FLNC: variants seen among roughly 807,000 people sequenced by gnomAD.
The protein encoded by FLNC is filamin-C.
A neutral mutation model predicts 254.3 loss-of-function variants in FLNC; 91 were observed. The ratio of observed to expected loss-of-function variants is 0.36; its 90% confidence interval spans 0.30 to 0.43. FLNC has a LOEUF of 0.43. Ranked by LOEUF, FLNC falls within the 20% of genes least tolerant of loss-of-function variation. The pLI is 1.00. For synonymous variants in FLNC, 1,430 were observed against 1,577.2 expected (o/e 0.91, Z 2.21); for missense variants, 2,853 against 3,802.6 (o/e 0.75, Z 6.57).
Position 128,842,752 on chromosome 7 carries a change from G to A in FLNC, c.2390-42G>A, listed in dbSNP as rs111958241. On this transcript the variant is annotated intron_variant, in intron 15 of 47. Coordinates refer to ENST00000325888, the MANE Select transcript of FLNC (RefSeq NM_001458.5). The surrounding 1 kb of genome is among the most constrained non-coding windows in gnomAD (Gnocchi z 5.4). ...GGAGGGGGCGGGGGTGAGTCGAGTC[G>A]GGGGCTGAGCCCAACTCACAGCAGT... 1.1e-5 allele frequency: 18 copies of A among 1,606,018 alleles called. No individual in the cohort carries two copies. In the East Asian group the frequency reaches 1.8e-4, roughly 16 times the overall value.
rs1809086035 is a variant in FLNC, at chr7:128,856,889, C to T, written c.7529C>T (p.Ala2510Val). 1.9e-6 allele frequency: 3 copies of T among 1,614,034 alleles called. No homozygotes were observed. In the Admixed American group the frequency reaches 5.0e-5, roughly 27 times the overall value. ...SQAGDPGLVS[A>V]YGPGLEGGTT... ...GCTGGGGACCCAGGCTTGGTGTCAG[C>T]CTACGGTCCTGGGCTCGAGGGAGGC... is the stretch of plus-strand genomic sequence containing the variant. The change falls in exon 45 of 48, where the codon GCC becomes GTC. Residue 2510 changes from alanine (A) to valine (V), a missense_variant. Ala to Val is a moderately conservative substitution (Grantham distance 64, BLOSUM62 0). Coordinates refer to ENST00000325888, the MANE Select transcript of FLNC (RefSeq NM_001458.5). This position sits in a 1 kb window ranked among gnomAD's most constrained non-coding sequence, Gnocchi z 5.9.
rs1037999644 is a variant in FLNC at position 128,844,075 on chromosome 7, G to A, written c.3001G>A (p.Val1001Met). 1.6e-5 allele frequency: 26 copies of A among 1,613,918 alleles called. No homozygotes were observed. The highest frequency in any genetic ancestry group is 2.0e-5 in the Non-Finnish European group (24 of 1,180,044). The change falls in exon 20 of 48, where the codon GTG becomes ATG. Residue 1001 changes from valine to methionine, a missense_variant. By Grantham distance (21) the Val-to-Met change is conservative. This residue lies in a region of FLNC where 1,573 missense variants were observed against 1,883.5 expected (regional missense o/e 0.84). Transcript: ENST00000325888. ...GGCTGGCGGTCAGGGCCAACTGGAT[G>A]TGCGGATGACTTCGCCCTCTCGCCG... ...RGAGGQGQLD[V>M]RMTSPSRRPI...
At position 128,846,283 on chromosome 7, in the gene FLNC, C is replaced by T. The variant is rs750955516; in HGVS notation, c.3965-18C>T. On this transcript the variant is annotated intron_variant, in intron 22 of 47. Transcript: ENST00000325888. ...GGGCGCACACTCCCTGATTGATGCC[C>T]CTGTGGCTGGCTTCCAGGCGTGCAT... 2 of 1,613,766 alleles carry T rather than the reference C, an allele frequency of 1.2e-6. No homozygotes were observed. The highest frequency in any genetic ancestry group is 1.7e-5 in the Admixed American group (1 of 59,980).
rs1390516682 is a variant in FLNC at position 128,854,855 on chromosome 7, G to A, written c.7078G>A (p.Ala2360Thr). The A allele has an allele frequency of 1.2e-6, 2 of 1,614,156 alleles. No homozygotes were observed. The highest frequency in any genetic ancestry group is 1.7e-6 in the Non-Finnish European group (2 of 1,180,026). Residue 2360 changes from alanine to threonine, a missense_variant, in exon 42 of 48, where the codon GCA becomes ACA. Physicochemically the swap from Ala to Thr is moderately conservative, Grantham distance 58 (BLOSUM62 0). Coordinates refer to ENST00000325888, the MANE Select transcript of FLNC (RefSeq NM_001458.5). ...GGAGGGTCCTAGCAAAGCGGAGATTGCATTTGAGGATCGCAAAGATGGCTC... is the reference window on the plus strand; with the variant it reads ...GGAGGGTCCTAGCAAAGCGGAGATTACATTTGAGGATCGCAAAGATGGCTC... ...AVEGPSKAEI[A>T]FEDRKDGSCG...
At chr7:128,848,748 C>T in intron 27 of FLNC, 31 bp downstream of exon 27, 1 of 1,614,106 alleles carries the variant, frequency 6.2e-7, no homozygotes. Context: ...CCCCGCAGGT[C>T]ATGCTCCAGG....
chr7:128,854,816 C>T lies in FLNC; in HGVS notation c.7039C>T (p.Leu2347=), dbSNP rs769053602. The change falls in exon 42 of 48, where the codon CTG becomes TTG. Residue 2347 remains leucine, a synonymous_variant. Coordinates refer to ENST00000325888, the MANE Select transcript of FLNC (RefSeq NM_001458.5). ...GACCCGGGAGGCTGGCGCTGGGGGCCTGTCCATTGCTGTGGAGGGTCCTAG... is the reference window on the plus strand; with the variant it reads ...GACCCGGGAGGCTGGCGCTGGGGGCTTGTCCATTGCTGTGGAGGGTCCTAG... ...IWTREAGAGG[L]SIAVEGPSKA... 1.9e-6 allele frequency: 3 copies of T among 1,614,152 alleles called. No individual in the cohort carries two copies. Among genetic ancestry groups the T allele is most frequent in the East Asian group, 4.5e-5 (2 of 44,884 alleles).
rs776891112 is a variant in FLNC, at chr7:128,830,591, C to T, written c.-47C>T. 5 of 1,571,312 alleles carry T rather than the reference C, an allele frequency of 3.2e-6. No homozygotes were observed. The Admixed American group carries it at 6.9e-5, about 22-fold the overall frequency. ...AACAGCGCCCGACAGCCCCCGATAG[C>T]CCAAACCGCGGCCCTAGCCCCGGCC... On this transcript the variant is annotated 5_prime_UTR_variant, in exon 1 of 48. Transcript: ENST00000325888.
intron 8 of FLNC, 140 bp from the exon 9 acceptor site, chr7:128,839,883 G>A: frequency 9.3e-7 from 1 of 1,078,090 alleles, no homozygotes; most frequent in Non-Finnish European, 1.4e-6. Context: ...GGTTGTGCTG[G>A]GGACACAAAG....
At chr7:128,843,618 C>A in intron 18 of FLNC, 41 bp downstream of exon 18, 1 of 1,610,666 alleles carries the variant, frequency 6.2e-7, no homozygotes, top group East Asian at 2.2e-5. Flanking sequence ...GGCCGGCCCG[C>A]CAGAGCCCTG....
rs1248715929 is a variant in FLNC, at chr7:128,855,230, T to C, written c.7167T>C (p.Asp2389=). ...GDYEVSIKFN[D]EHIPDSPFVV... ...ATGAGGTCTCCATCAAGTTCAATGA[T>C]GAGCACATCCCAGACAGCCCCTTTG... The change falls in exon 43 of 48, where the codon GAT becomes GAC. Residue 2389 remains aspartate, a synonymous_variant. Coordinates refer to ENST00000325888, the MANE Select transcript of FLNC (RefSeq NM_001458.5). The C allele has an allele frequency of 6.2e-7, 1 of 1,613,670 alleles. No homozygotes were observed. The highest frequency in any genetic ancestry group is 8.5e-7 in the Non-Finnish European group (1 of 1,179,660).
In FLNC at chr7:128,854,565, G is replaced by A. The variant is rs1254745464; in HGVS notation, c.6880G>A (p.Gly2294Ser). 1.9e-6 allele frequency: 3 copies of A among 1,608,948 alleles called. No individual in the cohort carries two copies. The highest frequency in any genetic ancestry group is 2.5e-6 in the Non-Finnish European group (3 of 1,178,202). Reference protein sequence around the residue: ...GPHTVAVKYRGQHVPGSPFQF... With the variant: ...GPHTVAVKYRSQHVPGSPFQF... ...CCATACGGTCGCTGTCAAGTACCGT[G>A]GCCAGCACGTGCCCGGCAGCCCCTT... Residue 2294 changes from glycine to serine, a missense_variant, in exon 41 of 48, where the codon GGC (glycine) becomes AGC (serine). Physicochemically the swap from Gly to Ser is moderately conservative, Grantham distance 56. Transcript: ENST00000325888.
intron 7 of FLNC, 80 bp from the exon 8 acceptor site, chr7:128,838,523 A>C: frequency 3.8e-6 from 3 of 795,312 alleles, no homozygotes; most frequent in Non-Finnish European, 6.0e-6. Flanking sequence ...TGCCAGCCAG[A>C]GGGTGGGCAG....
rs904382322 is a variant in FLNC at position 128,839,138 on chromosome 7, G to A, written c.1411+335G>A. Among the ~76,000 whole-genome samples, 14 of 152,376 alleles carry A rather than the reference G, an allele frequency of 9.2e-5. No homozygotes were observed. In the South Asian group the frequency reaches 2.9e-3, roughly 32 times the overall value. ...GTGCCCATCGTCCACCAGGCCGAGA[G>A]TGATGCCACATTAATGCTCTCCAGT... On this transcript the variant is annotated intron_variant, in intron 8 of 47. Transcript: ENST00000325888.
chr7:128,837,138 T>C (rs1585152446), intron 2 of FLNC, 22 bp from the exon 3 acceptor site: 3 of 1,547,742 alleles, frequency 1.9e-6, no homozygotes, highest in East Asian at 4.7e-5. Context: ...CTCACCATCG[T>C]CTCCCTCCAT....
intron 9 of FLNC, 89 bp from the exon 10 acceptor site, chr7:128,840,459 G>T: frequency 6.3e-7 from 1 of 1,586,788 alleles, no homozygotes; most frequent in Non-Finnish European, 8.6e-7. Flanking sequence ...GCTGGGTCGG[G>T]GTCCCAATGG....
intron 42 of FLNC, 127 bp downstream of exon 42, chr7:128,855,039 C>A: frequency 8.8e-7 from 1 of 1,131,478 alleles, no homozygotes; most frequent in Non-Finnish European, 1.3e-6. Context: ...TGCTCTTCCT[C>A]TGCCCCGTCT....
Position 128,847,978 on chromosome 7 carries a change from G to C in FLNC, c.4490G>C (p.Gly1497Ala). The C allele has an allele frequency of 6.2e-7, 1 of 1,612,538 alleles. No individual in the cohort carries two copies. Among genetic ancestry groups the C allele is most frequent in the Non-Finnish European group, 8.5e-7 (1 of 1,179,300 alleles). The stretch of plus-strand genomic sequence containing the variant: ...GAGCCTGTGGAGGTGCGGGACAATG[G>C]AGATGGCACCCACACTGTCCACTAC... ...VAEPVEVRDN[G>A]DGTHTVHYTP... Residue 1497 changes from glycine to alanine, a missense_variant, in exon 26 of 48, where the codon GGA becomes GCA. Around this residue, in one of 10 missense-constraint regions of FLNC, gnomAD observed 1,573 missense variants for 1,883.5 expected, o/e 0.84. Coordinates refer to ENST00000325888, the MANE Select transcript of FLNC (RefSeq NM_001458.5).
rs948675422 is a variant in FLNC at position 128,856,774 on chromosome 7, G to A, written c.7414G>A (p.Glu2472Lys). ...GCACACCATCCGCTTCATCCCCCAC[G>A]AGAATGGCGTCCACTCCATCGATGT... Reference protein sequence around the residue: ...DKHTIRFIPHENGVHSIDVKF... With the variant: ...DKHTIRFIPHKNGVHSIDVKF... The change falls in exon 45 of 48, where the codon GAG becomes AAG. Residue 2472 changes from glutamate to lysine, a missense_variant. This residue lies in a region of FLNC where 197 missense variants were observed against 351.5 expected (regional missense o/e 0.56). Coordinates refer to ENST00000325888, the MANE Select transcript of FLNC (RefSeq NM_001458.5). The surrounding 1 kb of genome is among the most constrained non-coding windows in gnomAD (Gnocchi z 5.9). 8 of 1,614,192 alleles carry A rather than the reference G, an allele frequency of 5.0e-6. No individual in the cohort carries two copies. The highest frequency in any genetic ancestry group is 3.3e-4 in the Middle Eastern group (2 of 6,062).
Position 128,855,215 on chromosome 7 carries a change from C to T in FLNC, c.7152C>T (p.Ser2384=). 2 of 1,612,482 alleles carry T rather than the reference C, an allele frequency of 1.2e-6. No homozygotes were observed. The highest frequency in any genetic ancestry group is 8.5e-7 in the Non-Finnish European group (1 of 1,178,634). ...TCTCCCCAGGTGACTATGAGGTCTCCATCAAGTTCAATGATGAGCACATCC... is the reference window on the plus strand; with the variant it reads ...TCTCCCCAGGTGACTATGAGGTCTCTATCAAGTTCAATGATGAGCACATCC... The part of the protein sequence containing the change: ...VVQEPGDYEV[S]IKFNDEHIPD... The change falls in exon 43 of 48, where the codon TCC becomes TCT. Residue 2384 remains serine (S), a synonymous_variant. Transcript: ENST00000325888.
Sources: gnomAD v4.1 joint callset for allele counts (sites outside exome capture counted in the v4.1 genomes callset) on GRCh38, gnomAD v4.1.1 for gene constraint, gnomAD v4.1.1 regional missense constraint, Gnocchi (gnomAD v3.1) non-coding constraint, MANE v1.5 for transcripts, NCBI Gene and HGNC (gene_info 2026-07-23, HGNC 2026-07-21) for gene names.